The following GLDN variants were observed in gnomAD, a reference collection of about 807,000 sequenced individuals.
The protein encoded by GLDN is gliomedin, also known as collomin.
A neutral mutation model predicts 56.5 loss-of-function variants in GLDN; 47 were observed. The ratio of observed to expected loss-of-function variants is 0.83; its 90% confidence interval spans 0.66 to 1.06. The LOEUF (loss-of-function observed/expected upper bound fraction) is 1.06. GLDN is among the 50% of genes least tolerant of loss of function. GLDN has a pLI of 0.00. For missense variants in GLDN, 782 were observed against 714.3 expected, an observed-to-expected ratio of 1.09 and a Z score of -1.08; for synonymous variants, 332 against 278.8, an observed-to-expected ratio of 1.19 and a Z score of -1.90.
At chr15:51,353,006 T>G (rs2037103508) in intron 1 of GLDN, among the ~76,000 whole-genome samples, 1 of 152,228 alleles carries the variant, frequency 6.6e-6, no homozygotes, top group South Asian at 2.1e-4. Flanking sequence ...ACAAGATTAC[T>G]AACCTCCCCA....
At chr15:51,382,331 G>A (rs1349104712) in intron 2 of GLDN, among the ~76,000 whole-genome samples, 1 of 151,972 alleles carries the variant, frequency 6.6e-6, no homozygotes, top group African/African-American at 2.4e-5. Flanking sequence ...CGTAGACTGT[G>A]AACACAACAG....
chr15:51,378,372 ACT>A (rs1244571740), intron 2 of GLDN, among the ~76,000 whole-genome samples: 5 of 152,120 alleles, frequency 3.3e-5, no homozygotes, highest in African/African-American at 1.2e-4. Flanking sequence ...TTGGTCCTTT[ACT>A]CTGAAACTCT....
intron 2 of GLDN, 107 bp downstream of exon 2, chr15:51,377,607 G>A (rs2037662818): frequency 2.7e-6 from 2 of 734,114 alleles, no homozygotes; most frequent in East Asian, 2.7e-5. Context: ...AATACATGTT[G>A]GTTTACTTTT....
intron 4 of GLDN, among the ~76,000 whole-genome samples, chr15:51,386,933 T>C (rs1454574371): frequency 6.6e-6 from 1 of 152,108 alleles, no homozygotes; most frequent in Non-Finnish European, 1.5e-5. Context: ...TGTGCTGAGT[T>C]TCAGATGCCC....
At position 51,405,706 on chromosome 15, in the gene GLDN, T is replaced by C. The variant is rs1211086394; in HGVS notation, c.*952T>C. On this transcript the variant is annotated 3_prime_UTR_variant, in exon 10 of 10. Transcript: ENST00000335449. Reference sequence around the variant, plus strand: ...ATCAAAGTACTAAATGCTGTGTAAGTAGACGTTAATCTGGCTGGAACCATG... The same window carrying C: ...ATCAAAGTACTAAATGCTGTGTAAGCAGACGTTAATCTGGCTGGAACCATG... 6.6e-6 allele frequency: 1 copy of C among 152,226 alleles called. No homozygotes were observed. The highest frequency in any genetic ancestry group is 6.5e-5 in the Admixed American group (1 of 15,276). 9.4% of individuals were successfully genotyped at this position (152,226 alleles called of 1,614,324 possible).
intron 9 of GLDN, among the ~76,000 whole-genome samples, chr15:51,403,319 G>T (rs1475847410): frequency 6.6e-6 from 1 of 152,182 alleles, no homozygotes; most frequent in African/African-American, 2.4e-5. Context: ...GAGAACTCCT[G>T]TGTACTGAGA....
rs1453910129 is a variant in GLDN, at chr15:51,343,494, A to C, written c.363+1447A>C. Reference sequence around the variant, plus strand: ...TTTTTAATCCTGCTTTTAAGGTAGAAGCTTTCGTATCCGAATTGCAACCTA... The same window carrying C: ...TTTTTAATCCTGCTTTTAAGGTAGACGCTTTCGTATCCGAATTGCAACCTA... On this transcript the variant is annotated intron_variant, in intron 1 of 9. Coordinates refer to ENST00000335449, the MANE Select transcript of GLDN (RefSeq NM_181789.4). Among the ~76,000 whole-genome samples, 6 of 152,356 alleles carry C rather than the reference A, an allele frequency of 3.9e-5. No homozygotes were observed. The East Asian group carries it at 1.2e-3, about 29-fold the overall frequency.
intron 1 of GLDN, among the ~76,000 whole-genome samples, chr15:51,365,912 T>C (rs1031212751): frequency 6.6e-6 from 1 of 152,236 alleles, no homozygotes; most frequent in Non-Finnish European, 1.5e-5. Flanking sequence ...TACATTTGTA[T>C]GTGTTTAAAA....
In GLDN at chr15:51,356,640, T is replaced by C. The variant is rs527668817; in HGVS notation, c.363+14593T>C. Among the ~76,000 whole-genome samples the C allele has an allele frequency of 1.1e-4, 17 of 152,304 alleles. No individual in the cohort carries two copies. In the South Asian group the frequency reaches 3.5e-3, roughly 32 times the overall value. ...TGGGCATTGGAATCATACTGTGAGT[T>C]CACTTGTGGCTCCCCATCAGCCGTG... On this transcript the variant is annotated intron_variant, in intron 1 of 9. Coordinates refer to ENST00000335449, the MANE Select transcript of GLDN (RefSeq NM_181789.4).
intron 2 of GLDN, 125 bp downstream of exon 2, chr15:51,377,625 G>C: frequency 1.6e-6 from 1 of 631,832 alleles, no homozygotes; most frequent in Non-Finnish European, 2.7e-6. Flanking sequence ...TTTACCAGAT[G>C]TTTTTAATGA....
intron 4 of GLDN, among the ~76,000 whole-genome samples, chr15:51,386,491 C>T (rs532990754): frequency 6.6e-6 from 1 of 152,292 alleles, no homozygotes; most frequent in South Asian, 2.1e-4. Context: ...GGAGGAGGGA[C>T]CAGAGGCAGC....
intron 9 of GLDN, among the ~76,000 whole-genome samples, chr15:51,402,019 C>T (rs543556842): frequency 6.6e-6 from 1 of 152,292 alleles, no homozygotes; most frequent in South Asian, 2.1e-4. Context: ...TGGTGACGGC[C>T]GCAGCTTCCC....
At chr15:51,342,912 G>A (rs1243885029) in intron 1 of GLDN, among the ~76,000 whole-genome samples, 1 of 152,154 alleles carries the variant, frequency 6.6e-6, no homozygotes, top group Non-Finnish European at 1.5e-5. Context: ...TCTGAAGAAA[G>A]TCTTCAAAGC....
intron 6 of GLDN, among the ~76,000 whole-genome samples, chr15:51,398,938 C>T (rs1470411494): frequency 6.6e-6 from 1 of 152,172 alleles, no homozygotes; most frequent in Non-Finnish European, 1.5e-5. Context: ...GCCTAATCTA[C>T]CAGGGGGCTG....
intron 4 of GLDN, among the ~76,000 whole-genome samples, chr15:51,391,483 T>C (rs1215765918): frequency 6.6e-6 from 1 of 152,234 alleles, no homozygotes; most frequent in African/African-American, 2.4e-5. Context: ...CAGTTACACT[T>C]GGTGCACTGT....
downstream of GLDN, among the ~76,000 whole-genome samples, chr15:51,411,323 G>A (rs368638886): frequency 6.6e-6 from 1 of 152,202 alleles, no homozygotes; most frequent in African/African-American, 2.4e-5. Flanking sequence ...AACCTCCAAA[G>A]AAGATTAAAC....
intron 8 of GLDN, 100 bp from the exon 9 acceptor site, chr15:51,401,493 A>C (rs1040242192): frequency 1.9e-5 from 20 of 1,072,646 alleles, no homozygotes; most frequent in Non-Finnish European, 2.8e-5. Context: ...GGAACATTTC[A>C]CTCTCAACTT....
At chr15:51,388,970 C>A (rs2037959545) in intron 4 of GLDN, among the ~76,000 whole-genome samples, 1 of 152,234 alleles carries the variant, frequency 6.6e-6, no homozygotes, top group Non-Finnish European at 1.5e-5. Flanking sequence ...GTTGAGAACA[C>A]ACAGTTCAAT....
chr15:51,372,975 C>T (rs1246673782), intron 1 of GLDN, among the ~76,000 whole-genome samples: 1 of 152,072 alleles, frequency 6.6e-6, no homozygotes, highest in Non-Finnish European at 1.5e-5. Context: ...GAACTCAAGC[C>T]CCCTTATAAT....
Sources: allele counts gnomAD v4.1 joint callset (sites outside exome capture counted in the v4.1 genomes callset), GRCh38; gene constraint gnomAD v4.1.1; transcripts MANE v1.5; gene names NCBI Gene and HGNC (gene_info 2026-07-23, HGNC 2026-07-21).